Variants in PDE1C observed in about 807,000 individuals in gnomAD.
PDE1C encodes the protein dual specificity calcium/calmodulin-dependent 3',5'-cyclic nucleotide phosphodiesterase 1C.
Under a neutral mutation model 93.1 loss-of-function variants are expected in PDE1C, and 62 were observed. That is an observed-to-expected ratio of 0.67 (90% CI 0.54 to 0.82). The LOEUF (loss-of-function observed/expected upper bound fraction) is 0.82, where lower values mean the gene tolerates loss of function less well. PDE1C is among the 40% of genes least tolerant of loss of function. The pLI is 0.00. For synonymous variants in PDE1C, 325 were observed against 310.1 expected (o/e 1.05, Z -0.50); for missense variants, 742 against 884.6 (o/e 0.84, Z 2.04).
upstream of PDE1C, among the ~76,000 whole-genome samples, chr7:32,301,058 C>T (rs943100713): frequency 2.6e-5 from 4 of 152,052 alleles, no homozygotes; most frequent in African/African-American, 9.7e-5. Context: ...AGGCTTGTCT[C>T]GAACTCCCGA....
At chr7:32,387,310 A>AT (rs1165690765) in intron 1 of PDE1C, among the ~76,000 whole-genome samples, 4 of 151,670 alleles carry the variant, frequency 2.6e-5, no homozygotes, top group Admixed American at 1.3e-4. Flanking sequence ...CGATTTCTCA[A>AT]TTTTTTCCCC....
intron 1 of PDE1C, among the ~76,000 whole-genome samples, chr7:32,344,118 G>GTGACAGAGT (rs1368257372): frequency 6.6e-6 from 1 of 151,722 alleles, no homozygotes; most frequent in African/African-American, 2.4e-5. Flanking sequence ...CTGTCACCTG[G>GTGACAGAGT]GCTGGAGTGC....
At position 32,292,941 on chromosome 7, in the gene PDE1C, C is replaced by T. The variant is rs150893460; in HGVS notation, c.85+5710G>A. Among the ~76,000 whole-genome samples the T allele has an allele frequency of 7.2e-5, 11 of 152,284 alleles. No individual in the cohort carries two copies. The East Asian group carries it at 2.1e-3, about 29-fold the overall frequency. On this transcript the variant is annotated intron_variant, in intron 1 of 18. Coordinates refer to the PDE1C transcript ENST00000396193. ...AGGAGGGCAGCAGTGTGCCCAGTAC[C>T]CACTTGACTCTTACTCTCATCTGGT... is the stretch of plus-strand genomic sequence containing the variant.
intron 2 of PDE1C, among the ~76,000 whole-genome samples, chr7:32,017,379 T>C (rs1174111566): frequency 6.6e-6 from 1 of 152,108 alleles, no homozygotes; most frequent in Non-Finnish European, 1.5e-5. Flanking sequence ...ATGTAAGAGT[T>C]AAAACTATAA....
chr7:31,766,630 C>T (rs959750061), intron 17 of PDE1C, among the ~76,000 whole-genome samples: 2 of 152,112 alleles, frequency 1.3e-5, no homozygotes, highest in African/African-American at 2.4e-5. Flanking sequence ...ATCATTGCTG[C>T]GCATTTATGT....
At chr7:31,712,321 A>T in the PDE1C span, among the ~76,000 whole-genome samples, 9 of 150,930 alleles carry the variant, frequency 6.0e-5, no homozygotes, top group Non-Finnish European at 1.2e-4. Context: ...CTTTGTAAGA[A>T]GCCAAGCCTA....
chr7:31,855,082 A>AAAAC (rs1793838852), intron 7 of PDE1C, among the ~76,000 whole-genome samples: 1 of 151,774 alleles, frequency 6.6e-6, no homozygotes, highest in African/African-American at 2.4e-5. Flanking sequence ...AAAAAAAAAA[A>AAAAC]AAAAAAAAAC....
intron 2 of PDE1C, among the ~76,000 whole-genome samples, chr7:32,182,334 G>A (rs1412174684): frequency 1.3e-5 from 2 of 152,204 alleles, no homozygotes; most frequent in Non-Finnish European, 2.9e-5. Context: ...AAGCCTGGCA[G>A]AGACACAACA....
chr7:32,033,480 A>C (rs147986053), intron 2 of PDE1C, among the ~76,000 whole-genome samples: 245 of 152,204 alleles, frequency 1.6e-3, no homozygotes, highest in African/African-American at 5.5e-3. Context: ...TGGCAAAAAA[A>C]CAAAAAACAA....
chr7:31,873,899 TCTTCTCTGAA>T (rs1255723079), intron 5 of PDE1C, among the ~76,000 whole-genome samples: 1 of 152,212 alleles, frequency 6.6e-6, no homozygotes, highest in African/African-American at 2.4e-5. Flanking sequence ...ACGATGCTTC[TCTTCTCTGAA>T]CTTCTCTGCA....
intron 1 of PDE1C, among the ~76,000 whole-genome samples, chr7:32,373,086 T>C (rs535497078): frequency 7.9e-5 from 12 of 152,366 alleles, no homozygotes; most frequent in African/African-American, 2.9e-4. Context: ...AATTACCATG[T>C]GACCCAGCAA....
At chr7:32,116,351 G>A (rs1798983519) in intron 3 of PDE1C, among the ~76,000 whole-genome samples, 1 of 151,780 alleles carries the variant, frequency 6.6e-6, no homozygotes, top group Admixed American at 6.6e-5. Flanking sequence ...GCTTCTAACT[G>A]TACTCAGAAA....
intron 15 of PDE1C, among the ~76,000 whole-genome samples, chr7:31,811,530 T>G (rs761623292): frequency 2.0e-5 from 3 of 151,958 alleles, no homozygotes; most frequent in African/African-American, 4.8e-5. Flanking sequence ...AATACTGGCT[T>G]TTCCCTATTT....
intron 2 of PDE1C, among the ~76,000 whole-genome samples, chr7:31,896,390 C>T (rs1424474739): frequency 3.3e-5 from 5 of 152,146 alleles, no homozygotes; most frequent in African/African-American, 7.2e-5. Flanking sequence ...TTCCTACTCT[C>T]GGACTTCTGT....
At chr7:31,885,932 T>A (rs979068478) in intron 2 of PDE1C, among the ~76,000 whole-genome samples, 1 of 152,188 alleles carries the variant, frequency 6.6e-6, no homozygotes, top group African/African-American at 2.4e-5. Context: ...AAAAATGAAC[T>A]ATAAAAAGAA....
intron 2 of PDE1C, among the ~76,000 whole-genome samples, chr7:32,178,432 T>G (rs6972452): frequency 0.71 from 108,068 of 152,126 alleles, 38,580 homozygotes; most frequent in South Asian, 0.84. Context: ...AAACTCCCCT[T>G]CTCTGATTTA....
intron 7 of PDE1C, among the ~76,000 whole-genome samples, chr7:31,858,648 AT>A (rs1794305845): frequency 6.6e-6 from 1 of 152,164 alleles, no homozygotes; most frequent in Non-Finnish European, 1.5e-5. Context: ...AGGTCATACA[AT>A]TAAAAGGCAA....
At chr7:31,635,330 C>T in the PDE1C span, among the ~76,000 whole-genome samples, 1 of 152,122 alleles carries the variant, frequency 6.6e-6, no homozygotes, top group East Asian at 1.9e-4. Flanking sequence ...CATCAGTAAC[C>T]TGGCCCACAT....
chr7:32,015,724 A>G lies in PDE1C; in HGVS notation c.128+35830T>C, dbSNP rs188273688. ...AAATTTTAAAGAAAAATGACAAACTAGAGGAAAACACCAAAAAAAAGATAC... is the reference window on the plus strand; with the variant it reads ...AAATTTTAAAGAAAAATGACAAACTGGAGGAAAACACCAAAAAAAAGATAC... On this transcript the variant is annotated intron_variant, in intron 2 of 17. Coordinates refer to ENST00000396191, the MANE Select transcript of PDE1C (RefSeq NM_001191057.4). Among the ~76,000 whole-genome samples the G allele has an allele frequency of 4.6e-5, 7 of 152,286 alleles. No individual in the cohort carries two copies. The East Asian group carries it at 1.2e-3, about 25-fold the overall frequency.
Sources: allele counts gnomAD v4.1 joint callset (sites outside exome capture counted in the v4.1 genomes callset), GRCh38; gene constraint gnomAD v4.1.1; transcripts MANE v1.5; gene names NCBI Gene and HGNC (gene_info 2026-07-23, HGNC 2026-07-21).